The following KLRD1 variants were observed in gnomAD, a reference collection of about 807,000 sequenced individuals.
KLRD1 encodes the protein natural killer cells antigen CD94.
Under a neutral mutation model 22.6 loss-of-function variants are expected in KLRD1, and 21 were observed. The observed-to-expected ratio is 0.93, with a 90% CI of 0.66 to 1.34. The LOEUF is 1.34. Among genes scored for constraint, KLRD1 ranks in the 40% most tolerant of loss-of-function variants. The probability of loss-of-function intolerance (pLI) is 0.00; values close to 1 mark genes in which losing one functional copy is unlikely to be tolerated. For missense variants in KLRD1, 183 were observed against 208.6 expected (o/e 0.88, Z 0.76); for synonymous variants, 59 against 71.1 (o/e 0.83, Z 0.85).
At chr12:10,239,631 C>G (rs540324165) in intron 1 of KLRD1, among the ~76,000 whole-genome samples, 2 of 143,662 alleles carry the variant, frequency 1.4e-5, no homozygotes, top group South Asian at 4.4e-4. Context: ...TTCTCTTTCT[C>G]TCTGTCTTTT....
At chr12:10,239,891 C>G (rs1452649512) in intron 1 of KLRD1, among the ~76,000 whole-genome samples, 1 of 151,756 alleles carries the variant, frequency 6.6e-6, no homozygotes, top group Non-Finnish European at 1.5e-5. Context: ...ATCCGCCCGC[C>G]TCAGCCTTCC....
chr12:10,309,153 G>A (rs1949993653), intron 1 of KLRD1: 1 of 379,910 alleles, frequency 2.6e-6, no homozygotes, highest in Non-Finnish European at 4.7e-6. Context: ...TACTGCAACA[G>A]AGCTGGTAGA....
chr12:10,299,404 A>C (rs1262943072), intron 1 of KLRD1, among the ~76,000 whole-genome samples: 5 of 152,158 alleles, frequency 3.3e-5, no homozygotes, highest in African/African-American at 1.2e-4. Context: ...TGGAGATATT[A>C]TGGGTTTGAT....
At chr12:10,264,889 ACT>A (rs1198096844) in intron 1 of KLRD1, among the ~76,000 whole-genome samples, 1 of 151,308 alleles carries the variant, frequency 6.6e-6, no homozygotes, top group Non-Finnish European at 1.5e-5. Context: ...CCACCATTCT[ACT>A]CTCTGTTTCT....
chr12:10,306,447 A>G (rs1268367046), upstream of KLRD1, among the ~76,000 whole-genome samples: 1 of 152,194 alleles, frequency 6.6e-6, no homozygotes, highest in East Asian at 1.9e-4. Flanking sequence ...TAACTTCCAA[A>G]TAAAGGTGGT....
intron 3 of KLRD1, among the ~76,000 whole-genome samples, chr12:10,310,226 C>T (rs558297246): frequency 1.3e-4 from 20 of 152,264 alleles, no homozygotes; most frequent in African/African-American, 4.1e-4. Flanking sequence ...ATTCTCCCAC[C>T]TTCCTGCCTC....
At chr12:10,287,416 CA>C (rs913262655) in intron 1 of KLRD1, among the ~76,000 whole-genome samples, 8 of 151,694 alleles carry the variant, frequency 5.3e-5, no homozygotes, top group African/African-American at 1.9e-4. Context: ...AGATAGGTTG[CA>C]AAAAAATGTT....
intron 1 of KLRD1, among the ~76,000 whole-genome samples, chr12:10,297,430 T>A (rs906983636): frequency 1.3e-5 from 2 of 152,104 alleles, no homozygotes; most frequent in African/African-American, 4.8e-5. Flanking sequence ...ATAAAAATTA[T>A]AATTTAAATA....
chr12:10,275,884 A>G (rs531784863), intron 1 of KLRD1, among the ~76,000 whole-genome samples: 159 of 152,312 alleles, frequency 1.0e-3, no homozygotes, highest in Non-Finnish European at 7.8e-4. Context: ...GTAAAGATAG[A>G]TATTACCACA....
rs1220201661 is a variant in KLRD1 at position 10,328,805 on chromosome 12, T to C, written c.*14012T>C. The C allele has an allele frequency of 1.3e-5, 2 of 152,262 alleles. No homozygotes were observed. The highest frequency in any genetic ancestry group is 4.8e-5 in the African/African-American group (2 of 41,462). 9.4% of individuals were successfully genotyped at this position (152,262 alleles called of 1,614,324 possible). On this transcript the variant is annotated 3_prime_UTR_variant, in exon 6 of 6. Transcript: ENST00000336164. ...AATTTGTAAAGAAAAAGAGGTTTAA[T>C]GGACTCACAGTTCCACGTGGCTGGG... is the stretch of plus-strand genomic sequence containing the variant.
chr12:10,241,189 A>G (rs1184158162), intron 1 of KLRD1, among the ~76,000 whole-genome samples: 2 of 152,168 alleles, frequency 1.3e-5, no homozygotes, highest in African/African-American at 2.4e-5. Flanking sequence ...AGTTTAATTC[A>G]ATCATTCCCT....
At position 10,254,879 on chromosome 12, in the gene KLRD1, C is replaced by T. The variant is rs962682072; in HGVS notation, c.-101+28646C>T. Among the ~76,000 whole-genome samples, 25 of 136,982 alleles carry T rather than the reference C, an allele frequency of 1.8e-4. No individual in the cohort carries two copies. The East Asian group carries it at 4.7e-3, about 26-fold the overall frequency. 89.9% of individuals were successfully genotyped at this position (136,982 alleles called of 152,430 possible). On this transcript the variant is annotated intron_variant, in intron 1 of 5. Coordinates refer to the KLRD1 transcript ENST00000544747. ...CCGCACTCCAGCCTAGGCAACAGAG[C>T]GAGATCAGTCTCAAAAATAAATAAA...
chr12:10,296,781 C>T (rs1012661547), intron 1 of KLRD1, among the ~76,000 whole-genome samples: 2 of 152,278 alleles, frequency 1.3e-5, no homozygotes, highest in Admixed American at 1.3e-4. Context: ...AACTTACCCC[C>T]CGGCCCCTGC....
chr12:10,315,326 A>G lies in KLRD1; in HGVS notation c.*533A>G, dbSNP rs1310735469. The G allele has an allele frequency of 9.2e-6, 4 of 436,920 alleles. No homozygotes were observed. Among genetic ancestry groups the G allele is most frequent in the African/African-American group, 4.1e-5 (2 of 48,338 alleles). The allele number at this position is 436,920 out of a possible 1,614,324, so 27.1% of individuals were successfully genotyped here. ...TTTTTTGTCAAGACAAGGTCTTGCT[A>G]TGTTGCCCAGGCTGGTCTTGAACTC... On this transcript the variant is annotated 3_prime_UTR_variant, in exon 6 of 6. Transcript: ENST00000336164.
At chr12:10,293,999 T>C (rs1949800232) in intron 1 of KLRD1, among the ~76,000 whole-genome samples, 1 of 152,240 alleles carries the variant, frequency 6.6e-6, no homozygotes, top group South Asian at 2.1e-4. Context: ...TTTCTTCTTA[T>C]GTCTCAGCCA....
intron 1 of KLRD1, among the ~76,000 whole-genome samples, chr12:10,265,220 T>C (rs1349646381): frequency 1.3e-5 from 2 of 152,178 alleles, no homozygotes; most frequent in African/African-American, 2.4e-5. Context: ...GAACTTATTT[T>C]ATCATATTAT....
At chr12:10,300,189 A>G (rs1444001652), upstream of KLRD1, among the ~76,000 whole-genome samples, 1 of 152,166 alleles carries the variant, frequency 6.6e-6, no homozygotes, top group Non-Finnish European at 1.5e-5. Context: ...CCATCCCAGA[A>G]AGTTCTTAAT....
chr12:10,309,700 T>G lies in KLRD1; in HGVS notation c.163+12T>G. On this transcript the variant is annotated intron_variant, in intron 3 of 5. Transcript: ENST00000336164. ...AGAACTCCAGAAAGGTAGGTCACATTTTTTGGAAAACTTAGCATTGGTAAA... is the reference window on the plus strand; with the variant it reads ...AGAACTCCAGAAAGGTAGGTCACATGTTTTGGAAAACTTAGCATTGGTAAA... The G allele has an allele frequency of 6.2e-6, 10 of 1,604,392 alleles. No homozygotes were observed. Among genetic ancestry groups the G allele is most frequent in the Non-Finnish European group, 7.7e-6 (9 of 1,171,652 alleles).
intron 1 of KLRD1, among the ~76,000 whole-genome samples, chr12:10,262,331 C>T (rs1232086895): frequency 5.9e-5 from 9 of 152,008 alleles, no homozygotes; most frequent in Non-Finnish European, 4.4e-5. Flanking sequence ...CAAAGGAAGA[C>T]CAATTACCTT....
Sources: allele counts gnomAD v4.1 joint callset (sites outside exome capture counted in the v4.1 genomes callset), GRCh38; gene constraint gnomAD v4.1.1; transcripts MANE v1.5; gene names NCBI Gene and HGNC (gene_info 2026-07-23, HGNC 2026-07-21).